GAS2: variants seen among roughly 807,000 people sequenced by gnomAD.
GAS2 encodes growth arrest-specific protein 2.
A neutral mutation model predicts 37.5 loss-of-function variants in GAS2; 20 were observed. The observed-to-expected ratio is 0.53, with a 90% CI of 0.37 to 0.77. The LOEUF is 0.77. Ranked by LOEUF, GAS2 falls within the 30% of genes least tolerant of loss-of-function variation. The pLI, the probability that GAS2 is intolerant of heterozygous loss-of-function variation, is 0.00. For synonymous variants in GAS2, 144 were observed against 132.2 expected, an observed-to-expected ratio of 1.09 and a Z score of -0.61; for missense variants, 336 against 373.4, an observed-to-expected ratio of 0.90 and a Z score of 0.82.
intron 1 of GAS2, among the ~76,000 whole-genome samples, chr11:22,653,422 C>T (rs1483650937): frequency 1.3e-5 from 2 of 152,052 alleles, no homozygotes; most frequent in African/African-American, 4.8e-5. Flanking sequence ...TTTCTATGTA[C>T]AGTTAACATT....
chr11:22,725,961 T>C (rs940199677), intron 3 of GAS2, among the ~76,000 whole-genome samples: 1 of 152,088 alleles, frequency 6.6e-6, no homozygotes, highest in Non-Finnish European at 1.5e-5. Context: ...ATAAGTACTT[T>C]GTGAAAAATA....
At chr11:22,630,297 G>A (rs937166932) in intron 1 of GAS2, among the ~76,000 whole-genome samples, 2 of 152,130 alleles carry the variant, frequency 1.3e-5, no homozygotes, top group African/African-American at 4.8e-5. Flanking sequence ...AACATGTGAT[G>A]TTTGGTTTTT....
intron 7 of GAS2, among the ~76,000 whole-genome samples, chr11:22,800,418 T>C (rs900368669): frequency 6.6e-6 from 1 of 152,060 alleles, no homozygotes; most frequent in African/African-American, 2.4e-5. Context: ...TGAGAAACAC[T>C]AGACAATGGA....
intron 7 of GAS2, among the ~76,000 whole-genome samples, chr11:22,801,591 C>T (rs539505605): frequency 5.9e-5 from 9 of 151,986 alleles, no homozygotes; most frequent in African/African-American, 9.6e-5. Context: ...AAATGATACA[C>T]GGACCATTAA....
chr11:22,750,542 T>G (rs1853669123), intron 6 of GAS2, among the ~76,000 whole-genome samples: 1 of 152,088 alleles, frequency 6.6e-6, no homozygotes. Flanking sequence ...GGAAAGACAT[T>G]TTGATTTAAA....
At chr11:22,694,339 C>G (rs1357588412) in intron 3 of GAS2, among the ~76,000 whole-genome samples, 2 of 152,128 alleles carry the variant, frequency 1.3e-5, no homozygotes, top group African/African-American at 4.8e-5. Context: ...AAATTAAGTG[C>G]CAACGTGTGT....
intron 4 of GAS2, among the ~76,000 whole-genome samples, chr11:22,735,313 G>T (rs1852695960): frequency 1.4e-5 from 2 of 144,564 alleles, no homozygotes; most frequent in East Asian, 4.2e-4. Flanking sequence ...TAATATTACA[G>T]ATGTGCTTTA....
chr11:22,762,713 C>T (rs1159552947), intron 7 of GAS2, among the ~76,000 whole-genome samples: 1 of 152,004 alleles, frequency 6.6e-6, no homozygotes, highest in East Asian at 1.9e-4. Flanking sequence ...TATATTATGA[C>T]AGGATAAAAA....
chr11:22,653,050 T>TC (rs1554965911), intron 1 of GAS2, among the ~76,000 whole-genome samples: 8 of 102,378 alleles, frequency 7.8e-5, no homozygotes, highest in African/African-American at 1.7e-4. Context: ...TCTTTCTTTC[T>TC]TTGCTTTCTT....
intron 2 of GAS2, among the ~76,000 whole-genome samples, chr11:22,682,888 G>GAAAAAAAAAAAAAAAAAAAAAAAAA (rs57025584): frequency 9.8e-6 from 1 of 102,360 alleles, no homozygotes; most frequent in Non-Finnish European, 2.0e-5. Flanking sequence ...AAAAAAAAAG[G>GAAAAAAAAAAAAAAAAAAAAAAAAA]AAAAAAAAAA....
intron 6 of GAS2, among the ~76,000 whole-genome samples, chr11:22,753,794 T>G (rs1853871610): frequency 6.6e-6 from 1 of 152,124 alleles, no homozygotes; most frequent in Non-Finnish European, 1.5e-5. Context: ...ATACACACAT[T>G]TATATTTAAA....
chr11:22,643,936 T>A (rs1035105032), intron 1 of GAS2, among the ~76,000 whole-genome samples: 1 of 152,158 alleles, frequency 6.6e-6, no homozygotes. Flanking sequence ...TCTTTTAGCA[T>A]ATTTTTTTCA....
chr11:22,693,290 C>T (rs943065798), intron 3 of GAS2, among the ~76,000 whole-genome samples: 3 of 152,132 alleles, frequency 2.0e-5, no homozygotes, highest in Non-Finnish European at 2.9e-5. Context: ...TTCCATTCTC[C>T]AAACCAAGAG....
chr11:22,629,060 C>T (rs1236402970), intron 1 of GAS2, among the ~76,000 whole-genome samples: 1 of 151,628 alleles, frequency 6.6e-6, no homozygotes, highest in Non-Finnish European at 1.5e-5. Context: ...ACTTTTTTAT[C>T]CACTTTTCAA....
chr11:22,725,140 T>C (rs1852138735), intron 3 of GAS2, among the ~76,000 whole-genome samples: 1 of 152,044 alleles, frequency 6.6e-6, no homozygotes, highest in Non-Finnish European at 1.5e-5. Flanking sequence ...TTTAGCTTCA[T>C]GGAATGTCAT....
At chr11:22,731,330 G>C in intron 4 of GAS2, 1 of 447,080 alleles carries the variant, frequency 2.2e-6, no homozygotes, top group Non-Finnish European at 4.5e-6. Context: ...GATAATTATA[G>C]GATTTGGAGG....
chr11:22,688,888 C>G (rs1366048304), intron 3 of GAS2, among the ~76,000 whole-genome samples: 1 of 152,152 alleles, frequency 6.6e-6, no homozygotes, highest in African/African-American at 2.4e-5. Context: ...TGAAATCAAC[C>G]TAGATACTCA....
At chr11:22,794,701 T>G (rs1856344463) in intron 7 of GAS2, among the ~76,000 whole-genome samples, 2 of 152,210 alleles carry the variant, frequency 1.3e-5, no homozygotes, top group Non-Finnish European at 2.9e-5. Context: ...AAGTCAGTAA[T>G]GCTTCATTGT....
chr11:22,679,222 CAA>C (rs1565080901), intron 2 of GAS2, among the ~76,000 whole-genome samples: 1 of 151,922 alleles, frequency 6.6e-6, no homozygotes, highest in Non-Finnish European at 1.5e-5. Context: ...GACCAACATT[CAA>C]AAAAGACAGC....
Sources: allele counts gnomAD v4.1 joint callset (sites outside exome capture counted in the v4.1 genomes callset), GRCh38; gene constraint gnomAD v4.1.1; transcripts MANE v1.5; gene names NCBI Gene and HGNC (gene_info 2026-07-23, HGNC 2026-07-21).